The following HPSE2 variants were observed in gnomAD, a reference collection of about 807,000 sequenced individuals.
HPSE2 encodes the protein inactive heparanase-2.
HPSE2 carries 38 observed loss-of-function variants against 60.5 expected under a neutral mutation model. That is an observed-to-expected ratio of 0.63 (90% CI 0.48 to 0.82). The LOEUF (loss-of-function observed/expected upper bound fraction) is 0.82. Ranked by LOEUF, HPSE2 falls within the 40% of genes least tolerant of loss-of-function variation. HPSE2 has a pLI of 0.00. For missense variants in HPSE2, 713 were observed against 740.4 expected, an observed-to-expected ratio of 0.96 and a Z score of 0.43; for synonymous variants, 295 against 293.2, an observed-to-expected ratio of 1.01 and a Z score of -0.06.
chr10:98,511,122 GTGTTGCTGTTTTTTTTT>G (rs1942376168), intron 9 of HPSE2, among the ~76,000 whole-genome samples: 1 of 112,792 alleles, frequency 8.9e-6, no homozygotes, highest in African/African-American at 3.1e-5. Context: ...AGTATTTAAT[GTGTTGCTGTTTTTTTTT>G]TGTTTGTTTT....
intron 5 of HPSE2, among the ~76,000 whole-genome samples, chr10:98,707,910 C>T (rs1006152335): frequency 4.6e-5 from 7 of 151,830 alleles, no homozygotes; most frequent in Non-Finnish European, 8.8e-5. Context: ...ATTGGATCTA[C>T]CATATATTAT....
Position 99,235,810 on chromosome 10 carries a change from C to T in HPSE2, c.-8G>A. 1 of 1,612,034 alleles carries T rather than the reference C, an allele frequency of 6.2e-7. No individual in the cohort carries two copies. The highest frequency in any genetic ancestry group is 8.5e-7 in the Non-Finnish European group (1 of 1,179,114). ...GGCACAAAGCACCCTCATTCAATCC[C>T]TCTGATTTAAACCTCTCTTCCTACT... On this transcript the variant is annotated 5_prime_UTR_variant, in exon 1 of 12. Coordinates refer to ENST00000370552, the MANE Select transcript of HPSE2 (RefSeq NM_021828.5).
At chr10:98,993,907 A>T (rs1589482392) in intron 3 of HPSE2, among the ~76,000 whole-genome samples, 1 of 152,330 alleles carries the variant, frequency 6.6e-6, no homozygotes, top group East Asian at 1.9e-4. Flanking sequence ...AGTTTTACAT[A>T]AGGATAAAAC....
chr10:98,950,623 G>T (rs1955329148), intron 3 of HPSE2, among the ~76,000 whole-genome samples: 1 of 152,088 alleles, frequency 6.6e-6, no homozygotes, highest in South Asian at 2.1e-4. Context: ...TTTTCTTAAA[G>T]TCAGGAACAC....
At chr10:98,842,550 A>T (rs1205980440) in intron 3 of HPSE2, among the ~76,000 whole-genome samples, 2 of 151,708 alleles carry the variant, frequency 1.3e-5, no homozygotes, top group Non-Finnish European at 2.9e-5. Flanking sequence ...TTAAAAAAAA[A>T]AAAAAAGCAG....
Position 99,034,404 on chromosome 10 carries a change from C to A in HPSE2, c.610+109834G>T, listed in dbSNP as rs1473589679. Among the ~76,000 whole-genome samples, 5 of 152,154 alleles carry A rather than the reference C, an allele frequency of 3.3e-5. No homozygotes were observed. The East Asian group carries it at 7.7e-4, about 23-fold the overall frequency. On this transcript the variant is annotated intron_variant, in intron 3 of 11. Transcript: ENST00000370552. ...TGAGGAAATTTAGTGAATAATAGAA[C>A]TGTTCTATAGCGGGGGTGGATACAT...
chr10:99,037,906 G>C (rs1957646677), intron 3 of HPSE2, among the ~76,000 whole-genome samples: 1 of 152,010 alleles, frequency 6.6e-6, no homozygotes, highest in Non-Finnish European at 1.5e-5. Context: ...TCATCAAAAA[G>C]GAGATACAGA....
chr10:99,132,200 AG>A (rs1845444042), intron 3 of HPSE2, among the ~76,000 whole-genome samples: 1 of 16,792 alleles, frequency 6.0e-5, no homozygotes, highest in African/African-American at 1.0e-4. Context: ...AAAGAGAGAG[AG>A]AGAGAGAGAG....
chr10:99,087,632 G>A (rs1843368638), intron 3 of HPSE2, among the ~76,000 whole-genome samples: 1 of 152,158 alleles, frequency 6.6e-6, no homozygotes, highest in Admixed American at 6.5e-5. Flanking sequence ...ATCCTGTGTG[G>A]CCTTTTGACC....
chr10:98,527,947 G>T (rs1451645851), intron 9 of HPSE2, among the ~76,000 whole-genome samples: 2 of 152,184 alleles, frequency 1.3e-5, no homozygotes, highest in Non-Finnish European at 2.9e-5. Context: ...ACTGAACTAT[G>T]TATTTTAAGC....
intron 3 of HPSE2, 54 bp from the exon 4 acceptor site, chr10:98,744,110 G>C: frequency 6.6e-7 from 1 of 1,521,852 alleles, no homozygotes; most frequent in South Asian, 1.2e-5. Context: ...TCCAACAAAA[G>C]GAAAATAGTA....
At chr10:98,815,219 C>A (rs1045947259) in intron 3 of HPSE2, among the ~76,000 whole-genome samples, 1 of 152,150 alleles carries the variant, frequency 6.6e-6, no homozygotes, top group Non-Finnish European at 1.5e-5. Flanking sequence ...GAGGTTGAGG[C>A]TGCAGCGAGC....
At chr10:99,175,982 C>G (rs1450460919) in intron 2 of HPSE2, among the ~76,000 whole-genome samples, 5 of 152,196 alleles carry the variant, frequency 3.3e-5, no homozygotes, top group Non-Finnish European at 7.3e-5. Flanking sequence ...GGCAAATGGC[C>G]TGGAGTGGAC....
chr10:99,144,703 C>T (rs1845985154), intron 2 of HPSE2, among the ~76,000 whole-genome samples: 1 of 152,136 alleles, frequency 6.6e-6, no homozygotes, highest in South Asian at 2.1e-4. Context: ...CCTCCTGGGG[C>T]CTTTTCTTAA....
chr10:99,250,601 G>C, the HPSE2 span, among the ~76,000 whole-genome samples: 8 of 152,026 alleles, frequency 5.3e-5, no homozygotes, highest in Non-Finnish European at 1.0e-4. Flanking sequence ...CCACGTGCTA[G>C]GCCATAAAGC....
chr10:99,057,617 T>G (rs946319888), intron 3 of HPSE2, among the ~76,000 whole-genome samples: 1 of 152,168 alleles, frequency 6.6e-6, no homozygotes, highest in African/African-American at 2.4e-5. Flanking sequence ...AACTCCACAC[T>G]CAGTTTGTCA....
intron 3 of HPSE2, among the ~76,000 whole-genome samples, chr10:98,814,340 A>G (rs2134584453): frequency 6.6e-6 from 1 of 152,310 alleles, no homozygotes; most frequent in South Asian, 2.1e-4. Context: ...TAGTCCTGCC[A>G]GTATTTTTGT....
intron 3 of HPSE2, among the ~76,000 whole-genome samples, chr10:98,791,164 C>A (rs900394425): frequency 6.6e-6 from 1 of 152,168 alleles, no homozygotes; most frequent in East Asian, 1.9e-4. Context: ...CATTTTCCCA[C>A]AACTTATCAT....
chr10:98,810,138 T>A (rs1951135990), intron 3 of HPSE2, among the ~76,000 whole-genome samples: 1 of 152,134 alleles, frequency 6.6e-6, no homozygotes, highest in Non-Finnish European at 1.5e-5. Context: ...TGTCCAAGTT[T>A]CCCTGCCTTT....
Sources: gnomAD v4.1 joint callset for allele counts (sites outside exome capture counted in the v4.1 genomes callset) on GRCh38, gnomAD v4.1.1 for gene constraint, MANE v1.5 for transcripts, NCBI Gene and HGNC (gene_info 2026-07-23, HGNC 2026-07-21) for gene names.